Variants in ANKRD11 observed in about 807,000 individuals in gnomAD.
The protein encoded by ANKRD11 is ankyrin repeat domain 11.
A neutral mutation model predicts 195.7 loss-of-function variants in ANKRD11; 17 were observed. The ratio of observed to expected loss-of-function variants is 0.09; its 90% confidence interval spans 0.06 to 0.13. The LOEUF (loss-of-function observed/expected upper bound fraction) is 0.13, where lower values mean the gene tolerates loss of function less well. Ranked by LOEUF, ANKRD11 falls within the 10% of genes least tolerant of loss-of-function variation. ANKRD11 has a pLI of 1.00. For missense variants in ANKRD11, 3,735 were observed against 3,566.1 expected, an observed-to-expected ratio of 1.05 and a Z score of -1.21; for synonymous variants, 1,953 against 1,528.1, an observed-to-expected ratio of 1.28 and a Z score of -6.49.
chr16:89,295,094 C>T (rs1054136895), intron 4 of ANKRD11, among the ~76,000 whole-genome samples: 2 of 152,226 alleles, frequency 1.3e-5, no homozygotes, highest in African/African-American at 2.4e-5. Flanking sequence ...GGACTAAGTG[C>T]GGCTACAGCA....
At chr16:89,269,168 G>C (rs1280121360) in intron 12 of ANKRD11, among the ~76,000 whole-genome samples, 1 of 152,138 alleles carries the variant, frequency 6.6e-6, no homozygotes, top group East Asian at 1.9e-4. Flanking sequence ...ACAAGCAACC[G>C]TGTAGAGAAT....
intron 9 of ANKRD11, among the ~76,000 whole-genome samples, chr16:89,276,580 C>T (rs1473178318): frequency 6.6e-6 from 1 of 152,194 alleles, no homozygotes; most frequent in African/African-American, 2.4e-5. Flanking sequence ...CTGACCGACA[C>T]TGCCCAGAAG....
In ANKRD11 at chr16:89,283,041, A is replaced by G; in HGVS notation, c.3501T>C (p.Ser1167=). The change falls in exon 9 of 13, where the codon TCT becomes TCC. Residue 1167 remains serine, a synonymous_variant. Transcript: ENST00000301030. This position sits in a 1 kb window ranked among gnomAD's most constrained non-coding sequence, Gnocchi z 4.3. The part of the protein sequence containing the change: ...EAYASDRHRK[S]SDKQHPERQK... ...GCCTCTCAGGGTGCTGCTTGTCAGA[A>G]GACTTCCTGTGTCTGTCGGAGGCAT... 2 of 1,613,772 alleles carry G rather than the reference A, an allele frequency of 1.2e-6. No individual in the cohort carries two copies. The highest frequency in any genetic ancestry group is 1.1e-5 in the South Asian group (1 of 91,056).
intron 2 of ANKRD11, among the ~76,000 whole-genome samples, chr16:89,336,876 A>C (rs2038382114): frequency 6.6e-6 from 1 of 152,112 alleles, no homozygotes. Context: ...CTGTAATCCC[A>C]GCACTCTGGG....
At chr16:89,323,423 C>G (rs1219013389) in intron 2 of ANKRD11, 1 of 1,022,374 alleles carries the variant, frequency 9.8e-7, no homozygotes, top group African/African-American at 1.9e-5. Flanking sequence ...GGGGCTGAGC[C>G]GAGGGCAGGG....
intron 2 of ANKRD11, among the ~76,000 whole-genome samples, chr16:89,332,992 T>A (rs918219991): frequency 6.6e-6 from 1 of 152,190 alleles, no homozygotes; most frequent in African/African-American, 2.4e-5. Context: ...CATTTTCCCA[T>A]CCTGTGCACC....
At chr16:89,273,980 T>C (rs2033414680) in intron 11 of ANKRD11, among the ~76,000 whole-genome samples, 1 of 151,982 alleles carries the variant, frequency 6.6e-6, no homozygotes, top group Non-Finnish European at 1.5e-5. Flanking sequence ...ATGTGGGGCC[T>C]GGGGTCCAGG....
rs373632845 is a variant in ANKRD11 at position 89,281,793 on chromosome 16, G to C, written c.4749C>G (p.Phe1583Leu). The C allele has an allele frequency of 6.2e-7, 1 of 1,613,938 alleles. No homozygotes were observed. Among genetic ancestry groups the C allele is most frequent in the Non-Finnish European group, 8.5e-7 (1 of 1,180,008 alleles). ...GGTCCTTCTGGGACAGCATCCTCTC[G>C]AAGCTGGTCATCATCAGGTCGCCGT... is the stretch of plus-strand genomic sequence containing the variant. The part of the protein sequence containing the change: ...LGDGDLMMTS[F>L]ERMLSQKDLE... The change falls in exon 9 of 13, where the codon TTC becomes TTG. Residue 1583 changes from phenylalanine (F) to leucine (L), a missense_variant. Physicochemically the swap from Phe to Leu is conservative, Grantham distance 22. Transcript: ENST00000301030. The surrounding 1 kb of genome is among the most constrained non-coding windows in gnomAD (Gnocchi z 5.5).
chr16:89,275,155 C>G lies in ANKRD11; in HGVS notation c.7507G>C (p.Glu2503Gln). Residue 2503 changes from glutamate to glutamine, a missense_variant, in exon 10 of 13, where the codon GAG (glutamate) becomes CAG (glutamine). Coordinates refer to ENST00000301030, the MANE Select transcript of ANKRD11 (RefSeq NM_013275.6). Reference sequence around the variant, plus strand: ...ACGGCCTCCTGCTGCCTGAACAGCTCCTTCAGGGGCTCCGCCAGGGAGGGA... The same window carrying G: ...ACGGCCTCCTGCTGCCTGAACAGCTGCTTCAGGGGCTCCGCCAGGGAGGGA... ...PPPSLAEPLK[E>Q]LFRQQEAVRG... 6.2e-7 allele frequency: 1 copy of G among 1,611,134 alleles called. No homozygotes were observed. Among genetic ancestry groups the G allele is most frequent in the South Asian group, 1.1e-5 (1 of 90,484 alleles).
intron 2 of ANKRD11, among the ~76,000 whole-genome samples, chr16:89,353,048 G>C (rs1296609404): frequency 6.6e-6 from 1 of 152,180 alleles, no homozygotes; most frequent in Non-Finnish European, 1.5e-5. Flanking sequence ...ATTATAACAA[G>C]AGAAAGTAGG....
intron 12 of ANKRD11, among the ~76,000 whole-genome samples, chr16:89,268,900 G>T (rs1037122196): frequency 6.6e-6 from 1 of 152,234 alleles, no homozygotes; most frequent in Non-Finnish European, 1.5e-5. Context: ...CCCTGGCCTG[G>T]GGCTCACCCT....
intron 2 of ANKRD11, among the ~76,000 whole-genome samples, chr16:89,415,997 C>G (rs1314167685): frequency 6.6e-6 from 1 of 152,046 alleles, no homozygotes; most frequent in African/African-American, 2.4e-5. Flanking sequence ...GAGGCCACAA[C>G]AGACCTCATG....
intron 1 of ANKRD11, among the ~76,000 whole-genome samples, chr16:89,441,500 G>C (rs552187634): frequency 3.3e-5 from 5 of 151,958 alleles, no homozygotes; most frequent in Non-Finnish European, 1.5e-5. Context: ...GGGCGCGGTG[G>C]CTCACGCCTG....
At chr16:89,375,861 C>G (rs910386268) in intron 2 of ANKRD11, among the ~76,000 whole-genome samples, 1 of 152,006 alleles carries the variant, frequency 6.6e-6, no homozygotes, top group South Asian at 2.1e-4. Context: ...CACCACAGAC[C>G]CACACAAAGT....
chr16:89,380,928 C>T (rs547692442), intron 2 of ANKRD11, among the ~76,000 whole-genome samples: 13 of 152,182 alleles, frequency 8.5e-5, no homozygotes, highest in East Asian at 1.9e-4. Context: ...AGACGGAGCA[C>T]GCATCCCTGC....
chr16:89,385,788 G>A (rs950631026), intron 2 of ANKRD11, among the ~76,000 whole-genome samples: 1 of 152,250 alleles, frequency 6.6e-6, no homozygotes, highest in African/African-American at 2.4e-5. Flanking sequence ...GACCGTGCCA[G>A]AGCCTGCCTG....
chr16:89,333,288 C>T (rs2038161777), intron 2 of ANKRD11, among the ~76,000 whole-genome samples: 1 of 152,220 alleles, frequency 6.6e-6, no homozygotes, highest in South Asian at 2.1e-4. Context: ...GCATGAAGTA[C>T]AGAGGGTTCC....
chr16:89,275,126 C>G lies in ANKRD11; in HGVS notation c.7536G>C (p.Arg2512=). ...TGCTGTGCTGTAGACGCAGCTTTCC[C>G]CGGACGGCCTCCTGCTGCCTGAACA... ...KELFRQQEAV[R]GKLRLQHSIE... Residue 2512 remains arginine, a synonymous_variant, in exon 10 of 13, where the codon CGG becomes CGC. Transcript: ENST00000301030. 2 of 1,612,528 alleles carry G rather than the reference C, an allele frequency of 1.2e-6. No homozygotes were observed. Among genetic ancestry groups the G allele is most frequent in the Non-Finnish European group, 1.7e-6 (2 of 1,179,588 alleles).
At chr16:89,269,193 G>A (rs904658020) in intron 12 of ANKRD11, among the ~76,000 whole-genome samples, 3 of 152,096 alleles carry the variant, frequency 2.0e-5, no homozygotes, top group African/African-American at 2.4e-5. Flanking sequence ...TTTAGATACC[G>A]TCTCAAGGCT....
Sources: allele counts gnomAD v4.1 joint callset (sites outside exome capture counted in the v4.1 genomes callset), GRCh38; gene constraint gnomAD v4.1.1; non-coding constraint Gnocchi (gnomAD v3.1); transcripts MANE v1.5; gene names NCBI Gene and HGNC (gene_info 2026-07-23, HGNC 2026-07-21).